Variants in TMEM232 observed in about 807,000 individuals in gnomAD.
TMEM232 encodes the protein transmembrane protein 232.
A neutral mutation model predicts 78.8 loss-of-function variants in TMEM232; 80 were observed. The ratio of observed to expected loss-of-function variants is 1.01; its 90% CI spans 0.85 to 1.22. The LOEUF (loss-of-function observed/expected upper bound fraction) is 1.22, where lower values mean the gene tolerates loss of function less well. TMEM232 is among the 50% of genes most tolerant of loss of function. TMEM232 has a pLI of 0.00. For missense variants in TMEM232, 881 were observed against 742.2 expected, an observed-to-expected ratio of 1.19 and a Z score of -2.17; for synonymous variants, 297 against 254.3, an observed-to-expected ratio of 1.17 and a Z score of -1.60.
chr5:110,486,058 TC>T (rs1209797328), intron 12 of TMEM232, among the ~76,000 whole-genome samples: 2 of 152,030 alleles, frequency 1.3e-5, no homozygotes, highest in African/African-American at 4.8e-5. Context: ...GATTTGCATT[TC>T]CCTGATCATT....
At chr5:110,412,293 C>T (rs1205894555) in intron 2 of TMEM232, among the ~76,000 whole-genome samples, 2 of 152,220 alleles carry the variant, frequency 1.3e-5, no homozygotes, top group Non-Finnish European at 2.9e-5. Context: ...CAACCCTGAA[C>T]AATCCTATCC....
At chr5:110,661,994 T>C (rs1392408547) in intron 2 of TMEM232, among the ~76,000 whole-genome samples, 1 of 152,194 alleles carries the variant, frequency 6.6e-6, no homozygotes. Context: ...AATTAGATAA[T>C]TTGGGATTTT....
At chr5:110,550,352 T>C (rs1774295936) in intron 11 of TMEM232, among the ~76,000 whole-genome samples, 1 of 152,150 alleles carries the variant, frequency 6.6e-6, no homozygotes. Flanking sequence ...AGCTGTCCCT[T>C]ATGAGACTCA....
intron 10 of TMEM232, among the ~76,000 whole-genome samples, chr5:110,603,907 A>G (rs1443180033): frequency 6.6e-6 from 1 of 152,160 alleles, no homozygotes; most frequent in Non-Finnish European, 1.5e-5. Flanking sequence ...AAGTCTTACT[A>G]TTTAAAATTA....
At chr5:110,394,846 C>T (rs781462522) in intron 3 of TMEM232, among the ~76,000 whole-genome samples, 1 of 152,066 alleles carries the variant, frequency 6.6e-6, no homozygotes, top group Non-Finnish European at 1.5e-5. Context: ...TGGGCCTTCC[C>T]AAAAGGCCCT....
At chr5:110,506,957 T>C (rs1020938766) in intron 12 of TMEM232, among the ~76,000 whole-genome samples, 2 of 152,174 alleles carry the variant, frequency 1.3e-5, no homozygotes, top group African/African-American at 4.8e-5. Flanking sequence ...TATAACTTTA[T>C]CATACTCCTG....
intron 1 of TMEM232, among the ~76,000 whole-genome samples, chr5:110,708,634 T>C (rs988273407): frequency 2.0e-5 from 3 of 152,192 alleles, no homozygotes; most frequent in African/African-American, 7.2e-5. Flanking sequence ...TATTTCATTA[T>C]GCAATCAGCA....
intron 10 of TMEM232, among the ~76,000 whole-genome samples, chr5:110,582,784 C>T (rs1002642346): frequency 7.2e-5 from 11 of 151,828 alleles, no homozygotes; most frequent in Non-Finnish European, 1.2e-4. Flanking sequence ...AAATCAAGTG[C>T]GTTAAAACCA....
chr5:110,442,645 C>T (rs1759192980), intron 12 of TMEM232, among the ~76,000 whole-genome samples: 1 of 151,960 alleles, frequency 6.6e-6, no homozygotes, highest in Admixed American at 6.6e-5. Context: ...AGTTTGTTTG[C>T]TGAAGTCACA....
At chr5:110,398,573 A>C (rs1755477529) in intron 2 of TMEM232, among the ~76,000 whole-genome samples, 1 of 152,120 alleles carries the variant, frequency 6.6e-6, no homozygotes, top group Non-Finnish European at 1.5e-5. Context: ...CATGCTAGTT[A>C]TCTTGGTTTA....
At chr5:110,721,859 A>C (rs1797677719) in intron 1 of TMEM232, among the ~76,000 whole-genome samples, 1 of 151,530 alleles carries the variant, frequency 6.6e-6, no homozygotes, top group South Asian at 2.1e-4. Flanking sequence ...GGCTTAGAAA[A>C]AGGAATCTTA....
intron 12 of TMEM232, among the ~76,000 whole-genome samples, chr5:110,486,291 TC>T (rs1166835973): frequency 2.0e-5 from 3 of 152,174 alleles, no homozygotes; most frequent in Non-Finnish European, 4.4e-5. Flanking sequence ...TGCTGACTGT[TC>T]CTTTTGCCAT....
At chr5:110,515,259 G>A (rs1326579570) in intron 12 of TMEM232, among the ~76,000 whole-genome samples, 1 of 152,148 alleles carries the variant, frequency 6.6e-6, no homozygotes, top group Non-Finnish European at 1.5e-5. Context: ...GGATTGTCTG[G>A]CAAAATGCTA....
intron 11 of TMEM232, among the ~76,000 whole-genome samples, chr5:110,556,022 A>G (rs1222211292): frequency 6.6e-6 from 1 of 152,104 alleles, no homozygotes; most frequent in African/African-American, 2.4e-5. Context: ...TGATCCTGTC[A>G]TTGTGTGTTA....
chr5:110,436,172 T>G (rs1355057232), intron 12 of TMEM232, among the ~76,000 whole-genome samples: 1 of 152,030 alleles, frequency 6.6e-6, no homozygotes, highest in Non-Finnish European at 1.5e-5. Context: ...AAGGGATATC[T>G]CGTTGTAGTT....
chr5:110,545,757 A>G (rs1205619608), intron 11 of TMEM232, among the ~76,000 whole-genome samples: 1 of 152,156 alleles, frequency 6.6e-6, no homozygotes, highest in Non-Finnish European at 1.5e-5. Context: ...GATGAGTCAA[A>G]GGTACTCTGA....
At chr5:110,505,237 G>C (rs576704058) in intron 12 of TMEM232, among the ~76,000 whole-genome samples, 44 of 152,210 alleles carry the variant, frequency 2.9e-4, no homozygotes, top group African/African-American at 9.9e-4. Context: ...CTGGACCAAA[G>C]GGCTCCTATG....
chr5:110,727,157 G>A (rs1798237606), upstream of TMEM232, among the ~76,000 whole-genome samples: 1 of 152,124 alleles, frequency 6.6e-6, no homozygotes, highest in Admixed American at 6.5e-5. Context: ...ACAAAAGAAC[G>A]CCTCTTTTTA....
At chr5:110,564,955 C>A (rs941462389) in intron 11 of TMEM232, among the ~76,000 whole-genome samples, 1 of 151,952 alleles carries the variant, frequency 6.6e-6, no homozygotes, top group African/African-American at 2.4e-5. Flanking sequence ...CTCATAGTTT[C>A]ATGAAGATTT....
Sources: allele counts gnomAD v4.1 joint callset (sites outside exome capture counted in the v4.1 genomes callset), GRCh38; gene constraint gnomAD v4.1.1; transcripts MANE v1.5; gene names NCBI Gene and HGNC (gene_info 2026-07-23, HGNC 2026-07-21).